Variants in RHBDL2 observed in about 807,000 individuals in gnomAD.
RHBDL2 encodes rhomboid-related protein 2.
RHBDL2 carries 26 observed loss-of-function variants against 31.7 expected under a neutral mutation model. The ratio of observed to expected loss-of-function variants is 0.82; its 90% CI spans 0.60 to 1.14. The LOEUF is 1.14. Among genes scored for constraint, RHBDL2 ranks in the 50% most tolerant of loss-of-function variants. The probability of loss-of-function intolerance (pLI) is 0.00; values close to 1 mark genes in which losing one functional copy is unlikely to be tolerated. For missense variants in RHBDL2, 336 were observed against 364.4 expected (o/e 0.92, Z 0.63); for synonymous variants, 123 against 127.2 (o/e 0.97, Z 0.22).
intron 4 of RHBDL2, among the ~76,000 whole-genome samples, chr1:38,905,189 C>T (rs113090408): frequency 0.16 from 23,144 of 144,068 alleles, 2,237 homozygotes; most frequent in Non-Finnish European, 0.23. Context: ...ATCAGGAGTT[C>T]GAGACCAGCC....
chr1:38,937,892 A>C (rs1643526664), intron 1 of RHBDL2, among the ~76,000 whole-genome samples: 1 of 152,322 alleles, frequency 6.6e-6, no homozygotes, highest in East Asian at 1.9e-4. Flanking sequence ...AGTCTTAAAA[A>C]GGAAGACTAA....
chr1:38,914,328 G>A lies in RHBDL2; in HGVS notation c.395+1234C>T, dbSNP rs535889987. On this transcript the variant is annotated intron_variant, in intron 3 of 7. Coordinates refer to ENST00000372990, the MANE Select transcript of RHBDL2 (RefSeq NM_017821.5). ...GCGATCTCGGCACACTGCAACCTCC[G>A]CCTCCTGGGTTCAAGCAATTTTATT... Among the ~76,000 whole-genome samples the A allele has an allele frequency of 2.0e-5, 3 of 151,940 alleles. No individual in the cohort carries two copies. In the East Asian group the frequency reaches 5.9e-4, roughly 30 times the overall value.
At chr1:38,911,774 G>T (rs980620752) in intron 3 of RHBDL2, among the ~76,000 whole-genome samples, 1 of 151,800 alleles carries the variant, frequency 6.6e-6, no homozygotes, top group African/African-American at 2.4e-5. Flanking sequence ...CAAGTAGCTG[G>T]GACTACAGGC....
At chr1:38,931,697 G>GAA (rs1320808420) in intron 1 of RHBDL2, among the ~76,000 whole-genome samples, 2 of 141,666 alleles carry the variant, frequency 1.4e-5, no homozygotes, top group South Asian at 2.2e-4. Context: ...AAACACATGG[G>GAA]AAAAAAAAAA....
At chr1:38,924,789 T>C (rs1429954338) in intron 1 of RHBDL2, among the ~76,000 whole-genome samples, 1 of 150,504 alleles carries the variant, frequency 6.6e-6, no homozygotes, top group Non-Finnish European at 1.5e-5. Flanking sequence ...TTTCTTTTTT[T>C]TTTTTTTTTT....
At chr1:38,939,416 C>A (rs1643539903) in intron 1 of RHBDL2, among the ~76,000 whole-genome samples, 1 of 152,110 alleles carries the variant, frequency 6.6e-6, no homozygotes, top group African/African-American at 2.4e-5. Context: ...AATCCCCACA[C>A]TTTGGGAGGC....
intron 1 of RHBDL2, chr1:38,925,926 G>C: frequency 8.0e-7 from 1 of 1,257,652 alleles, no homozygotes. Context: ...CATTTATAAT[G>C]GGCCTTTGGG....
chr1:38,921,000 T>C (rs915188971), intron 1 of RHBDL2, among the ~76,000 whole-genome samples: 2 of 152,218 alleles, frequency 1.3e-5, no homozygotes, highest in Non-Finnish European at 2.9e-5. Flanking sequence ...TAATTAATTC[T>C]ATGTTTAACT....
chr1:38,918,173 A>T (rs1435957141), intron 2 of RHBDL2, among the ~76,000 whole-genome samples: 2 of 152,148 alleles, frequency 1.3e-5, no homozygotes, highest in African/African-American at 4.8e-5. Context: ...CAGGGAACAC[A>T]CACCTATTGA....
At chr1:38,906,694 T>G (rs949235054) in intron 4 of RHBDL2, among the ~76,000 whole-genome samples, 3 of 151,194 alleles carry the variant, frequency 2.0e-5, no homozygotes, top group African/African-American at 4.9e-5. Flanking sequence ...AAGAATAACA[T>G]GCACAAATCA....
At chr1:38,911,065 G>A (rs971665177) in intron 4 of RHBDL2, among the ~76,000 whole-genome samples, 2 of 151,802 alleles carry the variant, frequency 1.3e-5, no homozygotes, top group South Asian at 2.1e-4. Flanking sequence ...AGGCAGGAGC[G>A]CCAGGCATAC....
At chr1:38,911,643 T>C (rs112690036) in intron 3 of RHBDL2, among the ~76,000 whole-genome samples, 16,937 of 58,054 alleles carry the variant, frequency 0.29, 1,315 homozygotes, top group African/African-American at 0.37. Flanking sequence ...TGTGTGTGTG[T>C]GTGCGCGCGC....
At chr1:38,929,556 T>C in intron 1 of RHBDL2, 2 of 1,289,164 alleles carry the variant, frequency 1.6e-6, no homozygotes, top group Non-Finnish European at 2.0e-6. Flanking sequence ...TCTAAACAGC[T>C]GGCCCCACCC....
In RHBDL2 at chr1:38,895,292, C is replaced by T. The variant is rs574443021; in HGVS notation, c.609+677G>A. 4.6e-5 allele frequency among the ~76,000 whole-genome samples: 7 copies of T among 151,912 alleles called. No individual in the cohort carries two copies. The East Asian group carries it at 9.7e-4, about 21-fold the overall frequency. ...TGGGCTGCTCTGCCTATGAAGTAGC[C>T]GTTCTTTTATTCCTTTACTTTCTTA... On this transcript the variant is annotated intron_variant, in intron 5 of 7. Transcript: ENST00000372990.
intron 3 of RHBDL2, among the ~76,000 whole-genome samples, chr1:38,912,900 ATATATATATATGTG>A (rs1385815096): frequency 2.3e-4 from 23 of 98,496 alleles, no homozygotes; most frequent in South Asian, 1.2e-3. Context: ...ATATATATAT[ATATATATATATGTG>A]TGTGTGTGTG....
intron 4 of RHBDL2, among the ~76,000 whole-genome samples, chr1:38,907,269 G>A (rs1643078443): frequency 6.6e-6 from 1 of 152,258 alleles, no homozygotes; most frequent in African/African-American, 2.4e-5. Flanking sequence ...GCCAGGTGCA[G>A]TGGCTCATGC....
intron 3 of RHBDL2, among the ~76,000 whole-genome samples, chr1:38,912,394 C>CGG (rs1643161015): frequency 1.3e-5 from 2 of 150,744 alleles, no homozygotes; most frequent in African/African-American, 4.9e-5. Flanking sequence ...CATGAGCCAC[C>CGG]GCGCCTGGCC....
At chr1:38,927,452 C>G (rs1023699496) in intron 1 of RHBDL2, among the ~76,000 whole-genome samples, 2 of 151,790 alleles carry the variant, frequency 1.3e-5, no homozygotes, top group Non-Finnish European at 2.9e-5. Context: ...AAAAGAGCCT[C>G]CTACCAACCT....
intron 4 of RHBDL2, among the ~76,000 whole-genome samples, chr1:38,906,048 C>T (rs1488434246): frequency 7.2e-6 from 1 of 139,700 alleles, no homozygotes; most frequent in Admixed American, 7.5e-5. Flanking sequence ...GCTTGGGCAA[C>T]AGTGCAAGAC....
Sources: allele counts gnomAD v4.1 joint callset (sites outside exome capture counted in the v4.1 genomes callset), GRCh38; gene constraint gnomAD v4.1.1; transcripts MANE v1.5; gene names NCBI Gene and HGNC (gene_info 2026-07-23, HGNC 2026-07-21).